ADCY1: variants seen among roughly 807,000 people sequenced by gnomAD.
ADCY1 encodes adenylate cyclase 1, also known as adenylate cyclase type 1.
A neutral mutation model predicts 105.4 loss-of-function variants in ADCY1; 28 were observed. That is an observed-to-expected ratio of 0.27 (90% CI 0.20 to 0.36). ADCY1 has a LOEUF of 0.36. ADCY1 is among the 10% of genes least tolerant of loss of function. The pLI is 1.00. For synonymous variants in ADCY1, 655 were observed against 623.8 expected (o/e 1.05, Z -0.75); for missense variants, 977 against 1,434.2 (o/e 0.68, Z 5.15).
chr7:45,593,966 T>C (rs1440877329), intron 2 of ADCY1, among the ~76,000 whole-genome samples: 1 of 152,216 alleles, frequency 6.6e-6, no homozygotes, highest in Non-Finnish European at 1.5e-5. Flanking sequence ...TCTGTGTATA[T>C]GTACATGTGC....
chr7:45,577,137 G>T (rs574942411), intron 1 of ADCY1, among the ~76,000 whole-genome samples: 1 of 152,238 alleles, frequency 6.6e-6, no homozygotes, highest in African/African-American at 2.4e-5. Context: ...CAGACATCTG[G>T]GTTTCCCTGC....
chr7:45,648,590 C>G (rs1755182958), intron 4 of ADCY1, 80 bp from the exon 5 acceptor site: 3 of 1,578,584 alleles, frequency 1.9e-6, no homozygotes, highest in Non-Finnish European at 2.6e-6. Flanking sequence ...CCACCAGTGT[C>G]TAGAGGTGGT....
chr7:45,722,828 A>G lies in ADCY1; in HGVS notation c.*8833A>G, dbSNP rs553105031. On this transcript the variant is annotated 3_prime_UTR_variant, in exon 20 of 20. Transcript: ENST00000297323. ...CACGATGAGTACATTCAGAATTACA[A>G]TAACTCACTCTCACTGGGTAACTTC... 3.9e-5 allele frequency: 6 copies of G among 152,752 alleles called. No homozygotes were observed. The highest frequency in any genetic ancestry group is 2.1e-4 in the South Asian group (1 of 4,826). 9.5% of individuals were successfully genotyped at this position (152,752 alleles called of 1,614,324 possible).
At chr7:45,652,531 CT>C (rs1274298504) in intron 5 of ADCY1, among the ~76,000 whole-genome samples, 10 of 152,214 alleles carry the variant, frequency 6.6e-5, no homozygotes, top group Non-Finnish European at 1.2e-4. Context: ...TGGGAAAGAT[CT>C]TGTTTTATCG....
In ADCY1 at chr7:45,655,272, G is replaced by C. The variant is rs944499827; in HGVS notation, c.1149-2455G>C. ...TGGCCCCCTCTGCCAGAGGTGGGTT[G>C]CTTCCTCATTTCCTTCCTGTTGGGG... On this transcript the variant is annotated intron_variant, in intron 5 of 19. Transcript: ENST00000297323. Among the ~76,000 whole-genome samples the C allele has an allele frequency of 2.0e-4, 31 of 152,364 alleles. 1 individual carries two copies. The Middle Eastern group carries it at 0.017, about 84-fold the overall frequency.
intron 2 of ADCY1, among the ~76,000 whole-genome samples, chr7:45,605,781 G>A (rs988533389): frequency 2.6e-5 from 4 of 152,136 alleles, no homozygotes; most frequent in African/African-American, 9.7e-5. Context: ...TTGCTTTACA[G>A]TCTTTGTTGG....
chr7:45,601,880 T>G (rs781623519), intron 2 of ADCY1, among the ~76,000 whole-genome samples: 1 of 152,020 alleles, frequency 6.6e-6, no homozygotes, highest in Non-Finnish European at 1.5e-5. Context: ...GCAGTGTGGA[T>G]GGAGGACACC....
chr7:45,704,230 C>G (rs1336146462), intron 16 of ADCY1, among the ~76,000 whole-genome samples: 143 of 152,246 alleles, frequency 9.4e-4, no homozygotes, highest in African/African-American at 3.4e-3. Flanking sequence ...GCCCCCCCCA[C>G]CCCGACAGCC....
chr7:45,615,485 G>C (rs937952361), intron 3 of ADCY1, among the ~76,000 whole-genome samples: 12 of 152,246 alleles, frequency 7.9e-5, no homozygotes, highest in Middle Eastern at 3.4e-3. Flanking sequence ...TGTAGTCTCA[G>C]CTACTCAGGA....
rs146784155 is a variant in ADCY1, at chr7:45,621,577, C to T, written c.909-1055C>T. Among the ~76,000 whole-genome samples, 178 of 152,322 alleles carry T rather than the reference C, an allele frequency of 1.2e-3. 2 individuals are homozygous for T. The highest frequency in any genetic ancestry group is 2.1e-3 in the Admixed American group (32 of 15,296). ...ATTCCCATTTTACATGGCGGACATG[C>T]GGAACGGTTGGATAAGTTGCTGTCA... is the stretch of plus-strand genomic sequence containing the variant. On this transcript the variant is annotated intron_variant, in intron 3 of 19. Coordinates refer to ENST00000297323, the MANE Select transcript of ADCY1 (RefSeq NM_021116.4).
intron 8 of ADCY1, among the ~76,000 whole-genome samples, chr7:45,674,742 T>C (rs1255778054): frequency 6.6e-6 from 1 of 152,248 alleles, no homozygotes; most frequent in East Asian, 1.9e-4. Context: ...CATACACATT[T>C]AGGATTTCTA....
In ADCY1 at chr7:45,703,555, C is replaced by T. The variant is rs370893912; in HGVS notation, c.2572-45C>T. On this transcript the variant is annotated intron_variant, in intron 15 of 19. Transcript: ENST00000297323. This position sits in a 1 kb window ranked among gnomAD's most constrained non-coding sequence, Gnocchi z 5.9. The stretch of plus-strand genomic sequence containing the variant: ...ACACTGCTCTGGCCACCCCACTTGG[C>T]GCTCACCTGGCTGACCCTTCCTGAC... The T allele has an allele frequency of 2.3e-4, 377 of 1,611,924 alleles. 1 individual carries two copies. The highest frequency in any genetic ancestry group is 2.0e-3 in the South Asian group (185 of 90,884).
chr7:45,689,960 G>A (rs1784756533), intron 14 of ADCY1, among the ~76,000 whole-genome samples: 1 of 152,214 alleles, frequency 6.6e-6, no homozygotes, highest in Admixed American at 6.5e-5. Context: ...AGGGGCCAGT[G>A]CTCCCTCCAG....
In ADCY1 at chr7:45,715,146, A is replaced by G. The variant is rs1049885148; in HGVS notation, c.*1151A>G. 6.6e-6 allele frequency: 1 copy of G among 152,318 alleles called. No individual in the cohort carries two copies. The highest frequency in any genetic ancestry group is 1.5e-5 in the Non-Finnish European group (1 of 68,098). The allele number at this position is 152,318 out of a possible 1,614,324, so 9.4% of individuals were successfully genotyped here. ...CAACCTCCTATGTGCATGTCTAAAT[A>G]GTCACAATGAAGATGAAAATAAGGA... On this transcript the variant is annotated 3_prime_UTR_variant, in exon 20 of 20. Transcript: ENST00000297323.
At chr7:45,660,273 C>A in intron 7 of ADCY1, 90 bp downstream of exon 7, 1 of 1,519,768 alleles carries the variant, frequency 6.6e-7, no homozygotes, top group Non-Finnish European at 9.0e-7. Flanking sequence ...GCTTCCTCTC[C>A]AAGCACTGCT....
At chr7:45,649,841 C>T (rs1407765204) in intron 5 of ADCY1, among the ~76,000 whole-genome samples, 2 of 152,196 alleles carry the variant, frequency 1.3e-5, no homozygotes, top group African/African-American at 4.8e-5. Flanking sequence ...AACCAAAGTC[C>T]CTGATGGTAG....
chr7:45,679,743 A>G lies in ADCY1; in HGVS notation c.1933A>G (p.Ile645Val), dbSNP rs1408996686. The G allele has an allele frequency of 1.2e-6, 2 of 1,614,174 alleles. No individual in the cohort carries two copies. The highest frequency in any genetic ancestry group is 1.7e-6 in the Non-Finnish European group (2 of 1,180,028). The change falls in exon 11 of 20, where the codon ATC becomes GTC. Residue 645 changes from isoleucine to valine, a missense_variant. Physicochemically the swap from Ile to Val is conservative, Grantham distance 29 (BLOSUM62 3). Transcript: ENST00000297323. Reference sequence around the variant, plus strand: ...CGTCCTGCTCCTGCTAGTATTCTGCATCTGCTTCCTGGTGGCCTGTGTCCT... The same window carrying G: ...CGTCCTGCTCCTGCTAGTATTCTGCGTCTGCTTCCTGGTGGCCTGTGTCCT... ...VVVLLLLVFC[I>V]CFLVACVLYL...
At chr7:45,705,586 A>T (rs1451766056) in intron 17 of ADCY1, among the ~76,000 whole-genome samples, 1 of 152,242 alleles carries the variant, frequency 6.6e-6, no homozygotes, top group Non-Finnish European at 1.5e-5. Context: ...AGTTTGATTT[A>T]AAAAATTTTG....
In ADCY1 at chr7:45,694,747, T is replaced by G. The variant is rs571950845; in HGVS notation, c.2454+8074T>G. ...TTAGGAAGAACCAGAGGAGCATTAA[T>G]TCTCAGACTAATTTTGTCCGCTCCT... On this transcript the variant is annotated intron_variant, in intron 14 of 19. Coordinates refer to ENST00000297323, the MANE Select transcript of ADCY1 (RefSeq NM_021116.4). Among the ~76,000 whole-genome samples, 12 of 152,330 alleles carry G rather than the reference T, an allele frequency of 7.9e-5. No individual in the cohort carries two copies. The South Asian group carries it at 1.7e-3, about 21-fold the overall frequency.
Sources: gnomAD v4.1 joint callset for allele counts (sites outside exome capture counted in the v4.1 genomes callset) on GRCh38, gnomAD v4.1.1 for gene constraint, Gnocchi (gnomAD v3.1) non-coding constraint, MANE v1.5 for transcripts, NCBI Gene and HGNC (gene_info 2026-07-23, HGNC 2026-07-21) for gene names.